Variants in ZSCAN5A observed in about 807,000 individuals in gnomAD.
ZSCAN5A encodes the protein zinc finger and SCAN domain-containing protein 5A.
ZSCAN5A carries 12 observed loss-of-function variants against 23.7 expected under a neutral mutation model. The ratio of observed to expected loss-of-function variants is 0.51; its 90% CI spans 0.32 to 0.82. The LOEUF (loss-of-function observed/expected upper bound fraction) is 0.82, where lower values mean the gene tolerates loss of function less well. Among genes scored for constraint, ZSCAN5A ranks in the 40% least tolerant of loss-of-function variants. The pLI is 0.03. For missense variants in ZSCAN5A, 597 were observed against 617.9 expected (o/e 0.97, Z 0.36); for synonymous variants, 257 against 239.9 (o/e 1.07, Z -0.66).
At chr19:56,240,031 G>A (rs559802629) in intron 2 of ZSCAN5A, among the ~76,000 whole-genome samples, 8 of 152,082 alleles carry the variant, frequency 5.3e-5, no homozygotes, top group East Asian at 1.9e-4. Flanking sequence ...GCGTGGTGGC[G>A]GGCACCTGTA....
At chr19:56,266,778 C>T (rs977831399) in intron 2 of ZSCAN5A, 10 of 152,274 alleles carry the variant, frequency 6.6e-5, no homozygotes, top group Admixed American at 3.9e-4. Context: ...GGTGCCTGGC[C>T]GGAGATGCCC....
intron 2 of ZSCAN5A, among the ~76,000 whole-genome samples, chr19:56,269,779 T>C (rs1251556509): frequency 6.6e-6 from 1 of 152,158 alleles, no homozygotes; most frequent in African/African-American, 2.4e-5. Context: ...GTGGGCAGCC[T>C]GTAGAAGCTG....
At position 56,221,413 on chromosome 19, in the gene ZSCAN5A, T is replaced by G. The variant is rs1312182106; in HGVS notation, c.*162A>C. 10 of 751,892 alleles carry G rather than the reference T, an allele frequency of 1.3e-5. No homozygotes were observed. Among genetic ancestry groups the G allele is most frequent in the Non-Finnish European group, 1.9e-5 (9 of 485,788 alleles). 46.6% of individuals were successfully genotyped at this position (751,892 alleles called of 1,614,324 possible). A position where few individuals can be genotyped will look rare whatever the true frequency, so the allele number is the denominator to read the frequency against. ...TAATGAAACAGAAAACAAAGCTCAG[T>G]GGGGAGGACACATATTTACTCAAAC... On this transcript the variant is annotated 3_prime_UTR_variant, in exon 6 of 6. Coordinates refer to ENST00000683990, the MANE Select transcript of ZSCAN5A (RefSeq NM_001322064.3).
At position 56,221,306 on chromosome 19, in the gene ZSCAN5A, A is replaced by G. The variant is rs1023528590; in HGVS notation, c.*269T>C. ...CAGGAAACTCAGTTTTCCGTTATACAATATTGAAAACTAATAAGATGATCG... is the reference window on the plus strand; with the variant it reads ...CAGGAAACTCAGTTTTCCGTTATACGATATTGAAAACTAATAAGATGATCG... On this transcript the variant is annotated 3_prime_UTR_variant, in exon 6 of 6. Transcript: ENST00000683990. 40 of 345,844 alleles carry G rather than the reference A, an allele frequency of 1.2e-4. No individual in the cohort carries two copies. Among genetic ancestry groups the G allele is most frequent in the African/African-American group, 6.5e-4 (31 of 47,934 alleles). 21.4% of individuals were successfully genotyped at this position (345,844 alleles called of 1,614,324 possible). A position where few individuals can be genotyped will look rare whatever the true frequency, so the allele number is the denominator to read the frequency against.
intron 2 of ZSCAN5A, among the ~76,000 whole-genome samples, chr19:56,241,311 T>C (rs1279688603): frequency 6.6e-6 from 1 of 152,228 alleles, no homozygotes; most frequent in East Asian, 1.9e-4. Flanking sequence ...CAGGCTGTTA[T>C]CAAACTCCTG....
At chr19:56,285,484 T>C (rs2039036463) in intron 2 of ZSCAN5A, among the ~76,000 whole-genome samples, 1 of 152,236 alleles carries the variant, frequency 6.6e-6, no homozygotes, top group South Asian at 2.1e-4. Flanking sequence ...ACCTGAGAAA[T>C]GCTTCGTGTG....
chr19:56,341,068 G>C (rs573221816), intron 2 of ZSCAN5A: 1 of 152,190 alleles, frequency 6.6e-6, no homozygotes, highest in Non-Finnish European at 1.5e-5. Flanking sequence ...CTCATTCTCC[G>C]TCCAGTTTTG....
At chr19:56,249,194 A>G (rs1234758924) in intron 2 of ZSCAN5A, among the ~76,000 whole-genome samples, 1 of 152,212 alleles carries the variant, frequency 6.6e-6, no homozygotes, top group Non-Finnish European at 1.5e-5. Context: ...GCTAATCTAC[A>G]AAAGGGTGGG....
intron 2 of ZSCAN5A, chr19:56,320,655 G>C: frequency 1.3e-6 from 1 of 760,840 alleles, no homozygotes; most frequent in East Asian, 2.5e-5. Flanking sequence ...CGAGTACAAC[G>C]TGAAATCATA....
chr19:56,312,086 TGTA>T (rs1241106582), intron 2 of ZSCAN5A: 1 of 152,200 alleles, frequency 6.6e-6, no homozygotes, highest in East Asian at 1.9e-4. Flanking sequence ...CATTTCAACA[TGTA>T]GTCAATAAAA....
At position 56,272,864 on chromosome 19, in the gene ZSCAN5A, G is replaced by C. The variant is rs2037953953; in HGVS notation, c.-128+40419C>G. 13 of 985,330 alleles carry C rather than the reference G, an allele frequency of 1.3e-5. No homozygotes were observed. In the South Asian group the frequency reaches 6.1e-4, roughly 46 times the overall value. 61.0% of individuals were successfully genotyped at this position (985,330 alleles called of 1,614,324 possible). ...ACAGATCAGAGCCATTTCTGAAAATGTCGCTGCTGATTCTGCTTTTCCTGG... is the reference window on the plus strand; with the variant it reads ...ACAGATCAGAGCCATTTCTGAAAATCTCGCTGCTGATTCTGCTTTTCCTGG... On this transcript the variant is annotated intron_variant, in intron 2 of 5. Transcript: ENST00000683990.
At position 56,352,477 on chromosome 19, in the gene ZSCAN5A, G is replaced by T. The variant is rs901703539; in HGVS notation, c.-358+10758C>A. Among the ~76,000 whole-genome samples the T allele has an allele frequency of 6.6e-6, 1 of 152,180 alleles. No homozygotes were observed. The highest frequency in any genetic ancestry group is 1.5e-5 in the Non-Finnish European group (1 of 68,034). On this transcript the variant is annotated intron_variant, in intron 2 of 6. Transcript: ENST00000587340. The surrounding 1 kb of genome is among the most constrained non-coding windows in gnomAD (Gnocchi z 4.2). ...AAACATTTATCCTTAGATGCTGAGC[G>T]TGAATGTGAGACTGTTAGATGTAAA...
At chr19:56,275,890 C>T (rs1004979778) in intron 2 of ZSCAN5A, among the ~76,000 whole-genome samples, 1 of 152,182 alleles carries the variant, frequency 6.6e-6, no homozygotes, top group Non-Finnish European at 1.5e-5. Context: ...GGATGATGAA[C>T]GAATGGACTT....
At chr19:56,334,664 C>G (rs1188598174) in intron 2 of ZSCAN5A, among the ~76,000 whole-genome samples, 1 of 152,140 alleles carries the variant, frequency 6.6e-6, no homozygotes, top group East Asian at 1.9e-4. Context: ...TATTTCTCAG[C>G]CTTCACTGGT....
intron 2 of ZSCAN5A, among the ~76,000 whole-genome samples, chr19:56,258,245 T>G (rs1167086698): frequency 1.3e-5 from 2 of 152,220 alleles, no homozygotes; most frequent in African/African-American, 2.4e-5. Flanking sequence ...AGCTTATCTC[T>G]TCTGTGAGCC....
Position 56,223,725 on chromosome 19 carries a change from C to A in ZSCAN5A, c.494G>T (p.Arg165Leu). The change falls in exon 4 of 6, where the codon CGG (arginine) becomes CTG (leucine). Residue 165 changes from arginine to leucine, a missense_variant. Transcript: ENST00000683990. ...RDDLKDVSSQ[R>L]ASSVNQMRPG... ...ACGCATCTGGTTCACCGAGGAGGCC[C>A]GTTGGCTGGACACGTCTTTCAGATC... 6.2e-7 allele frequency: 1 copy of A among 1,613,998 alleles called. No homozygotes were observed. Among genetic ancestry groups the A allele is most frequent in the South Asian group, 1.1e-5 (1 of 91,066 alleles).
chr19:56,263,092 T>C (rs963460228), intron 2 of ZSCAN5A: 5 of 152,246 alleles, frequency 3.3e-5, no homozygotes, highest in African/African-American at 4.8e-5. Context: ...GACTAGGCAG[T>C]GATCCTTTGC....
At position 56,222,714 on chromosome 19, in the gene ZSCAN5A, T is replaced by C; in HGVS notation, c.616A>G (p.Ile206Val). Residue 206 changes from isoleucine to valine, a missense_variant, in exon 5 of 6, where the codon ATT becomes GTT. Around this residue, in one of 5 missense-constraint regions of ZSCAN5A, gnomAD observed 406 missense variants for 353.2 expected, o/e 1.15. Coordinates refer to ENST00000683990, the MANE Select transcript of ZSCAN5A (RefSeq NM_001322064.3). ...GACTTTGGGTCACCTGTTACGTCAA[T>C]ACTCTTGTGTAGCAGAAAGTCCTCT... ...QGEDFLLHKSIDVTGDPKSLR... is the reference protein window; with the variant it reads ...QGEDFLLHKSVDVTGDPKSLR... The C allele has an allele frequency of 1.2e-6, 2 of 1,614,174 alleles. No individual in the cohort carries two copies. The highest frequency in any genetic ancestry group is 8.5e-7 in the Non-Finnish European group (1 of 1,180,034).
intron 2 of ZSCAN5A, among the ~76,000 whole-genome samples, chr19:56,281,396 A>G (rs1020960339): frequency 3.3e-5 from 5 of 152,202 alleles, no homozygotes; most frequent in African/African-American, 7.2e-5. Context: ...ATATAAATAT[A>G]TATCTGTAAG....
Sources: allele counts gnomAD v4.1 joint callset (sites outside exome capture counted in the v4.1 genomes callset), GRCh38; gene constraint gnomAD v4.1.1; regional missense constraint gnomAD v4.1.1; non-coding constraint Gnocchi (gnomAD v3.1); transcripts MANE v1.5; gene names NCBI Gene and HGNC (gene_info 2026-07-23, HGNC 2026-07-21).